Variants in DYNC2I1 observed in about 807,000 individuals in gnomAD.
DYNC2I1 encodes the protein cytoplasmic dynein 2 intermediate chain 1.
DYNC2I1 carries 89 observed loss-of-function variants against 133.4 expected under a neutral mutation model. The ratio of observed to expected loss-of-function variants is 0.67; its 90% confidence interval spans 0.56 to 0.80. The LOEUF (loss-of-function observed/expected upper bound fraction) is 0.80, where lower values mean the gene tolerates loss of function less well. DYNC2I1 is among the 30% of genes least tolerant of loss of function. The pLI is 0.00. For missense variants in DYNC2I1, 1,291 were observed against 1,314.5 expected (o/e 0.98, Z 0.28); for synonymous variants, 504 against 484.3 (o/e 1.04, Z -0.54).
At chr7:158,853,343 C>T (rs1356065514), upstream of DYNC2I1, among the ~76,000 whole-genome samples, 1 of 152,142 alleles carries the variant, frequency 6.6e-6, no homozygotes, top group Non-Finnish European at 1.5e-5. Context: ...CCTCATGATA[C>T]CCTCCTCCCT....
chr7:158,949,384 G>A (rs902125792), downstream of DYNC2I1, among the ~76,000 whole-genome samples: 5 of 152,248 alleles, frequency 3.3e-5, no homozygotes, highest in African/African-American at 9.6e-5. Flanking sequence ...CTGGAAAAGC[G>A]TCTGCCTGGG....
chr7:158,922,178 T>C (rs940730389), intron 15 of DYNC2I1, among the ~76,000 whole-genome samples, 199 bp from the exon 16 acceptor site: 1 of 152,222 alleles, frequency 6.6e-6, no homozygotes, highest in African/African-American at 2.4e-5. Context: ...AGCCAGACTC[T>C]GAGGTCAGCT....
At chr7:158,841,647 G>GAATCTAT in the DYNC2I1 span, among the ~76,000 whole-genome samples, 1 of 152,204 alleles carries the variant, frequency 6.6e-6, no homozygotes, top group Non-Finnish European at 1.5e-5. Flanking sequence ...GTAACTGATT[G>GAATCTAT]GGAAATGAGC....
chr7:158,956,944 G>C (rs930751822), downstream of DYNC2I1, among the ~76,000 whole-genome samples: 1 of 152,168 alleles, frequency 6.6e-6, no homozygotes, highest in South Asian at 2.1e-4. Flanking sequence ...CAGGGCTCCC[G>C]TGAGCTGCCG....
At chr7:158,905,863 T>G (rs1585104063) in intron 10 of DYNC2I1, 126 bp from the exon 11 acceptor site, 1 of 674,544 alleles carries the variant, frequency 1.5e-6, no homozygotes, top group East Asian at 2.8e-5. Flanking sequence ...AAGATGTTTG[T>G]CATTAGTTGA....
At chr7:158,914,199 A>G in intron 13 of DYNC2I1, 34 bp from the exon 14 acceptor site, 2 of 1,558,206 alleles carry the variant, frequency 1.3e-6, no homozygotes, top group Non-Finnish European at 1.8e-6. Context: ...TTTAGAGTCG[A>G]CTTCGTTGAT....
At chr7:158,953,700 G>A (rs936568163) in intron 4 of DYNC2I1, among the ~76,000 whole-genome samples, 2 of 152,098 alleles carry the variant, frequency 1.3e-5, no homozygotes, top group South Asian at 2.1e-4. Flanking sequence ...CAGAAAAGTA[G>A]CTTACATATG....
At chr7:158,926,911 C>A in intron 19 of DYNC2I1, 81 bp from the exon 20 acceptor site, 1 of 1,060,144 alleles carries the variant, frequency 9.4e-7, no homozygotes, top group Non-Finnish European at 1.4e-6. Flanking sequence ...AGCACTCCAT[C>A]TTAATTAGAG....
chr7:158,939,239 G>A (rs78280384), intron 23 of DYNC2I1, among the ~76,000 whole-genome samples: 1 of 151,080 alleles, frequency 6.6e-6, no homozygotes, highest in Non-Finnish European at 1.5e-5. Flanking sequence ...AGACCAGTTT[G>A]AGCAACATAG....
intron 23 of DYNC2I1, 93 bp from the exon 24 acceptor site, chr7:158,941,832 G>A: frequency 1.4e-6 from 2 of 1,407,534 alleles, no homozygotes; most frequent in Admixed American, 4.0e-5. Flanking sequence ...AGCTGTGATT[G>A]CACCACTGCA....
chr7:158,946,619 G>A (rs1851891098), downstream of DYNC2I1, among the ~76,000 whole-genome samples: 1 of 152,234 alleles, frequency 6.6e-6, no homozygotes, highest in Non-Finnish European at 1.5e-5. Context: ...CGTCTCAAAG[G>A]GCCCTGCCCC....
At chr7:158,954,294 A>G (rs533290333) in intron 4 of DYNC2I1, among the ~76,000 whole-genome samples, 10 of 152,322 alleles carry the variant, frequency 6.6e-5, no homozygotes, top group African/African-American at 2.4e-4. Context: ...AGACTAATGC[A>G]CCTATCATGC....
intron 1 of DYNC2I1, among the ~76,000 whole-genome samples, chr7:158,866,758 G>A (rs1336592515): frequency 3.3e-5 from 5 of 151,904 alleles, no homozygotes; most frequent in African/African-American, 1.2e-4. Flanking sequence ...GGTGGCGGGC[G>A]CCTGTAATCC....
chr7:158,849,773 C>T, the DYNC2I1 span, among the ~76,000 whole-genome samples: 8 of 152,218 alleles, frequency 5.3e-5, no homozygotes, highest in African/African-American at 9.6e-5. Flanking sequence ...TCCTCTTTCT[C>T]CTCTGGCTGT....
At chr7:158,900,511 G>A (rs1162730803) in intron 8 of DYNC2I1, among the ~76,000 whole-genome samples, 1 of 152,040 alleles carries the variant, frequency 6.6e-6, no homozygotes, top group Non-Finnish European at 1.5e-5. Flanking sequence ...TGATTTTTCT[G>A]TAGTTTGAAT....
At chr7:158,931,804 G>A (rs989516219) in intron 21 of DYNC2I1, among the ~76,000 whole-genome samples, 5 of 152,216 alleles carry the variant, frequency 3.3e-5, no homozygotes, top group Non-Finnish European at 7.3e-5. Flanking sequence ...AGCACTAGTG[G>A]GGAGCATCCT....
intron 23 of DYNC2I1, among the ~76,000 whole-genome samples, chr7:158,937,126 T>C (rs1401821371): frequency 2.0e-5 from 3 of 152,168 alleles, no homozygotes; most frequent in South Asian, 2.1e-4. Flanking sequence ...TTAAGGAAAC[T>C]CTGTGATCTC....
intron 13 of DYNC2I1, 117 bp downstream of exon 13, chr7:158,913,213 T>C (rs1847666020): frequency 1.3e-6 from 1 of 787,020 alleles, no homozygotes. Flanking sequence ...TGTATGGTTG[T>C]TAGCATGTGA....
intron 11 of DYNC2I1, among the ~76,000 whole-genome samples, chr7:158,909,120 C>T (rs1847127476): frequency 6.6e-6 from 1 of 151,742 alleles, no homozygotes; most frequent in Non-Finnish European, 1.5e-5. Flanking sequence ...CACCTGAGGT[C>T]AGGAGTTCGA....
Sources: allele counts gnomAD v4.1 joint callset (sites outside exome capture counted in the v4.1 genomes callset), GRCh38; gene constraint gnomAD v4.1.1; transcripts MANE v1.5; gene names NCBI Gene and HGNC (gene_info 2026-07-23, HGNC 2026-07-21).